Variants in MCTP1 observed in about 807,000 individuals in gnomAD.
MCTP1 encodes multiple C2 and transmembrane domain-containing protein 1.
In MCTP1, 69 loss-of-function variants were observed where a neutral mutation model predicts 120.6. The observed-to-expected ratio is 0.57, with a 90% CI of 0.47 to 0.70. The LOEUF is 0.70. Among genes scored for constraint, MCTP1 ranks in the 30% least tolerant of loss-of-function variants. The pLI is 0.00. For synonymous variants in MCTP1, 529 were observed against 493.1 expected (o/e 1.07, Z -0.96); for missense variants, 1,203 against 1,248.8 (o/e 0.96, Z 0.55).
intron 2 of MCTP1, among the ~76,000 whole-genome samples, chr5:94,957,664 AG>A (rs1822984008): frequency 6.6e-6 from 1 of 152,132 alleles, no homozygotes; most frequent in Non-Finnish European, 1.5e-5. Context: ...TTAAAAAAAA[AG>A]AGAAAGAAGG....
At chr5:94,977,655 C>A (rs569629700) in intron 2 of MCTP1, among the ~76,000 whole-genome samples, 3 of 152,120 alleles carry the variant, frequency 2.0e-5, no homozygotes, top group African/African-American at 7.2e-5. Context: ...GAAAATCAAT[C>A]CATGCCTGTA....
chr5:95,186,899 A>G (rs1201785878), intron 1 of MCTP1, among the ~76,000 whole-genome samples: 2 of 152,202 alleles, frequency 1.3e-5, no homozygotes, highest in East Asian at 3.9e-4. Flanking sequence ...GGCTTTTAAT[A>G]AAGATGCCAA....
chr5:94,936,576 A>C (rs1001697962), intron 5 of MCTP1, among the ~76,000 whole-genome samples: 1 of 152,108 alleles, frequency 6.6e-6, no homozygotes, highest in Non-Finnish European at 1.5e-5. Flanking sequence ...GGAAGTTATA[A>C]AGCCTGGTAT....
chr5:94,979,921 T>C (rs1829028557), intron 2 of MCTP1, among the ~76,000 whole-genome samples: 1 of 152,158 alleles, frequency 6.6e-6, no homozygotes, highest in Admixed American at 6.6e-5. Flanking sequence ...CATGATTATA[T>C]TGTTTGGTGC....
At chr5:95,183,521 A>C (rs1435563126) in intron 1 of MCTP1, among the ~76,000 whole-genome samples, 1 of 152,108 alleles carries the variant, frequency 6.6e-6, no homozygotes, top group Non-Finnish European at 1.5e-5. Context: ...TATCAAGAAA[A>C]TGCAAAGGAA....
chr5:94,718,534 AACT>A (rs1760073633), intron 19 of MCTP1, among the ~76,000 whole-genome samples: 1 of 152,176 alleles, frequency 6.6e-6, no homozygotes, highest in South Asian at 2.1e-4. Flanking sequence ...GATCTAATTA[AACT>A]AAAGAGCTTC....
chr5:95,077,639 A>G (rs1026410542), intron 1 of MCTP1, among the ~76,000 whole-genome samples: 2 of 151,968 alleles, frequency 1.3e-5, no homozygotes, highest in Admixed American at 1.3e-4. Flanking sequence ...CGCCCAGCTA[A>G]TTGTTTGTAT....
intron 1 of MCTP1, among the ~76,000 whole-genome samples, chr5:95,252,845 C>A (rs1486816487): frequency 6.6e-6 from 1 of 152,040 alleles, no homozygotes; most frequent in Non-Finnish European, 1.5e-5. Flanking sequence ...GCAGAGCAAG[C>A]TAAAATCATA....
intron 1 of MCTP1, among the ~76,000 whole-genome samples, chr5:95,146,119 G>T (rs1401403840): frequency 2.0e-5 from 3 of 151,980 alleles, no homozygotes; most frequent in Non-Finnish European, 4.4e-5. Flanking sequence ...AATCTTGGGA[G>T]ATTATTTGTT....
intron 1 of MCTP1, among the ~76,000 whole-genome samples, chr5:95,116,547 G>GT (rs761541487): frequency 2.4e-3 from 345 of 144,732 alleles, no homozygotes; most frequent in Admixed American, 4.1e-3. Flanking sequence ...AATTTTTAAA[G>GT]TTTTTTTTTT....
intron 19 of MCTP1, among the ~76,000 whole-genome samples, chr5:94,761,948 A>T (rs1179305708): frequency 6.6e-6 from 1 of 152,216 alleles, no homozygotes. Context: ...ATGGTATGAG[A>T]AGCCAGCAAC....
At chr5:95,255,708 A>G (rs1283790508) in intron 1 of MCTP1, among the ~76,000 whole-genome samples, 1 of 152,188 alleles carries the variant, frequency 6.6e-6, no homozygotes, top group African/African-American at 2.4e-5. Context: ...AAACAGGAAT[A>G]TAGAGAACAA....
chr5:95,143,137 A>G (rs1157766114), intron 1 of MCTP1, among the ~76,000 whole-genome samples: 1 of 152,220 alleles, frequency 6.6e-6, no homozygotes, highest in Non-Finnish European at 1.5e-5. Flanking sequence ...ACAGGACACC[A>G]GCCCACCATG....
intron 10 of MCTP1, among the ~76,000 whole-genome samples, chr5:94,905,989 C>T (rs1325533694): frequency 2.2e-4 from 33 of 151,598 alleles, no homozygotes; most frequent in Admixed American, 2.0e-3. Context: ...AAGGAGCATG[C>T]GGTGTCCTGG....
intron 19 of MCTP1, among the ~76,000 whole-genome samples, chr5:94,726,862 A>C (rs933003516): frequency 6.6e-6 from 1 of 152,118 alleles, no homozygotes; most frequent in Non-Finnish European, 1.5e-5. Context: ...TTTTCGGTAC[A>C]TTGTTTTAGA....
At chr5:95,010,740 C>T (rs1835769619) in intron 2 of MCTP1, among the ~76,000 whole-genome samples, 1 of 152,034 alleles carries the variant, frequency 6.6e-6, no homozygotes, top group Non-Finnish European at 1.5e-5. Context: ...TCTCTCATTC[C>T]ACTGAAAGTT....
At chr5:95,091,246 C>T (rs1054383660) in intron 1 of MCTP1, among the ~76,000 whole-genome samples, 1 of 152,228 alleles carries the variant, frequency 6.6e-6, no homozygotes, top group Non-Finnish European at 1.5e-5. Flanking sequence ...CCCTTCAATG[C>T]CCTGTCCACC....
At chr5:94,843,927 T>C (rs559290973) in intron 17 of MCTP1, among the ~76,000 whole-genome samples, 1 of 152,336 alleles carries the variant, frequency 6.6e-6, no homozygotes, top group South Asian at 2.1e-4. Context: ...GTTTTTGCTA[T>C]GTCTCTAAAT....
chr5:94,824,068 C>G (rs1786344770), intron 17 of MCTP1, among the ~76,000 whole-genome samples: 1 of 152,194 alleles, frequency 6.6e-6, no homozygotes, highest in African/African-American at 2.4e-5. Context: ...CTGGCCAGAA[C>G]TTCCAATACT....
Sources: gnomAD v4.1 joint callset for allele counts (sites outside exome capture counted in the v4.1 genomes callset) on GRCh38, gnomAD v4.1.1 for gene constraint, MANE v1.5 for transcripts, NCBI Gene and HGNC (gene_info 2026-07-23, HGNC 2026-07-21) for gene names.